KERA: variants seen among roughly 807,000 people sequenced by gnomAD.
The protein encoded by KERA is keratan sulfate proteoglycan keratocan.
A neutral mutation model predicts 26.4 loss-of-function variants in KERA; 25 were observed. The ratio of observed to expected loss-of-function variants is 0.95; its 90% CI spans 0.69 to 1.32. The LOEUF is 1.32. Among genes scored for constraint, KERA ranks in the 40% most tolerant of loss-of-function variants. The pLI is 0.00. For synonymous variants in KERA, 167 were observed against 146.1 expected (o/e 1.14, Z -1.03); for missense variants, 434 against 408.9 (o/e 1.06, Z -0.53).
chr12:91,057,619 C>CG (rs139496371), intron 1 of KERA, 125 bp downstream of exon 1: 642 of 54,714 alleles, frequency 0.012, 3 homozygotes, highest in African/African-American at 0.025. Flanking sequence ...AAAGAAACAT[C>CG]ATTTTTTTTT....
chr12:91,056,412 C>T (rs1592648431), intron 1 of KERA, 123 bp from the exon 2 acceptor site: 2 of 771,280 alleles, frequency 2.6e-6, no homozygotes, highest in East Asian at 5.3e-5. Context: ...GTCAACATTT[C>T]ATACACAGAT....
chr12:91,054,742 T>C (rs1878947909), intron 2 of KERA, among the ~76,000 whole-genome samples: 1 of 151,332 alleles, frequency 6.6e-6, no homozygotes, highest in Admixed American at 6.6e-5. Context: ...TTTCTTTCCA[T>C]TTTAATTAAT....
Position 91,055,299 on chromosome 12 carries a change from G to A in KERA, c.886+97C>T. The A allele has an allele frequency of 2.8e-6, 3 of 1,073,190 alleles. No individual in the cohort carries two copies. In the South Asian group the frequency reaches 4.0e-5, roughly 14 times the overall value. 66.5% of individuals were successfully genotyped at this position (1,073,190 alleles called of 1,614,324 possible). On this transcript the variant is annotated intron_variant, in intron 2 of 2. Coordinates refer to ENST00000266719, the MANE Select transcript of KERA (RefSeq NM_007035.4). ...TAAAAATCTAAAGGAACATTAGCGGGGGAGGGGGCAACACATTTGCTCTTC... is the reference window on the plus strand; with the variant it reads ...TAAAAATCTAAAGGAACATTAGCGGAGGAGGGGGCAACACATTTGCTCTTC...
chr12:91,055,523 ACCCT>A lies in KERA; in HGVS notation c.755_758del (p.Glu252ValfsTer13). The stretch of plus-strand genomic sequence containing the variant: ...ATACATCAAATCCTCTTGATGGGAG[ACCCT>A]CATCTGACAGTTTGTTGTGATTTAG... On this transcript the variant is annotated frameshift_variant, in exon 2 of 3. Coordinates refer to ENST00000266719, the MANE Select transcript of KERA (RefSeq NM_007035.4). LOFTEE classifies it high-confidence loss of function. The A allele has an allele frequency of 6.2e-7, 1 of 1,609,824 alleles. No homozygotes were observed. Among genetic ancestry groups the A allele is most frequent in the Non-Finnish European group, 8.5e-7 (1 of 1,177,524 alleles).
At chr12:91,055,303 G>T (rs1399363341) in intron 2 of KERA, 93 bp downstream of exon 2, 3 of 1,112,254 alleles carry the variant, frequency 2.7e-6, no homozygotes, top group Non-Finnish European at 4.0e-6. Context: ...TAGCGGGGGA[G>T]GGGGCAACAC....
Position 91,056,286 on chromosome 12 carries a change from G to A in KERA, c.-5C>T, listed in dbSNP as rs1879004428. The A allele has an allele frequency of 1.2e-6, 2 of 1,606,778 alleles. No homozygotes were observed. Among genetic ancestry groups the A allele is most frequent in the Non-Finnish European group, 1.7e-6 (2 of 1,175,512 alleles). On this transcript the variant is annotated 5_prime_UTR_variant, in exon 2 of 3. Transcript: ENST00000266719. ...GAAACAGATTGTGCCTGCCATTATAGCACCTACAGAAAAAGGAACACAACT... is the reference window on the plus strand; with the variant it reads ...GAAACAGATTGTGCCTGCCATTATAACACCTACAGAAAAAGGAACACAACT...
rs542639678 is a variant in KERA at position 91,051,241 on chromosome 12, G to T, written c.*105C>A. 243 of 942,080 alleles carry T rather than the reference G, an allele frequency of 2.6e-4. No individual in the cohort carries two copies. Among genetic ancestry groups the T allele is most frequent in the Non-Finnish European group, 3.5e-4 (207 of 591,732 alleles). 58.4% of individuals were successfully genotyped at this position (942,080 alleles called of 1,614,324 possible). On this transcript the variant is annotated 3_prime_UTR_variant, in exon 3 of 3. Coordinates refer to ENST00000266719, the MANE Select transcript of KERA (RefSeq NM_007035.4). Reference sequence around the variant, plus strand: ...CACTGCACAAATGAAAATGGTGGCCGAGAGCAATGGGGAATATGACTTGTG... The same window carrying T: ...CACTGCACAAATGAAAATGGTGGCCTAGAGCAATGGGGAATATGACTTGTG...
In KERA at chr12:91,056,059, A is replaced by G. The variant is rs1307827252; in HGVS notation, c.223T>C (p.Tyr75His). 1 of 1,608,474 alleles carries G rather than the reference A, an allele frequency of 6.2e-7. No homozygotes were observed. The change falls in exon 2 of 3, where the codon TAT becomes CAT. Residue 75 changes from tyrosine (Y) to histidine (H), a missense_variant. Coordinates refer to ENST00000266719, the MANE Select transcript of KERA (RefSeq NM_007035.4). The stretch of plus-strand genomic sequence containing the variant: ...ATCAGGTTGTTTTGAAGATAAAGAT[A>G]CCAAATTCTTGAAGGAATAGCAGGA... ...EIPAIPSRIW[Y>H]LYLQNNLIET...
At chr12:91,054,255 T>C (rs1878936116) in intron 2 of KERA, among the ~76,000 whole-genome samples, 1 of 151,378 alleles carries the variant, frequency 6.6e-6, no homozygotes, top group South Asian at 2.1e-4. Flanking sequence ...CTATAAATGA[T>C]ATGTTTATGT....
In KERA at chr12:91,050,607, A is replaced by C. The variant is rs1400704011; in HGVS notation, c.*739T>G. The C allele has an allele frequency of 6.6e-6, 1 of 152,116 alleles. No homozygotes were observed. The highest frequency in any genetic ancestry group is 1.5e-5 in the Non-Finnish European group (1 of 67,746). The allele number at this position is 152,116 out of a possible 1,614,324, so 9.4% of individuals were successfully genotyped here. On this transcript the variant is annotated 3_prime_UTR_variant, in exon 3 of 3. Coordinates refer to ENST00000266719, the MANE Select transcript of KERA (RefSeq NM_007035.4). ...ATCCAAAAAACACAATCAAATATAA[A>C]GAACAATTTGCAGTTTAAGTGGATT...
chr12:91,057,674 C>T (rs554157481), intron 1 of KERA, 70 bp downstream of exon 1: 1 of 150,226 alleles, frequency 6.7e-6, no homozygotes, highest in African/African-American at 2.4e-5. Flanking sequence ...GAAGTTGTAA[C>T]CCTGCGTCTG....
chr12:91,056,406 A>C (rs1879007550), intron 1 of KERA, 117 bp from the exon 2 acceptor site: 1 of 787,062 alleles, frequency 1.3e-6, no homozygotes, highest in Non-Finnish European at 2.2e-6. Flanking sequence ...AAATATGTCA[A>C]CATTTCATAC....
intron 1 of KERA, 82 bp downstream of exon 1, chr12:91,057,662 T>C (rs2120967138): frequency 6.6e-6 from 1 of 151,022 alleles, no homozygotes; most frequent in South Asian, 2.1e-4. Flanking sequence ...GGTTTAGTTA[T>C]TGAAGTTGTA....
At position 91,056,906 on chromosome 12, in the gene KERA, C is replaced by G. The variant is rs182928847; in HGVS notation, c.-8-617G>C. ...GTTTTTTGAGGGTGGGGGAAGATGT[C>G]TATAATTTTAAGCACACAATTAAGT... is the stretch of plus-strand genomic sequence containing the variant. On this transcript the variant is annotated intron_variant, in intron 1 of 2. Transcript: ENST00000266719. Among the ~76,000 whole-genome samples the G allele has an allele frequency of 3.6e-4, 55 of 150,946 alleles. 1 individual carries two copies. Among genetic ancestry groups the G allele is most frequent in the Non-Finnish European group, 1.5e-5 (1 of 67,342 alleles).
At chr12:91,054,631 C>T (rs1350588407) in intron 2 of KERA, among the ~76,000 whole-genome samples, 1 of 151,314 alleles carries the variant, frequency 6.6e-6, no homozygotes, top group Non-Finnish European at 1.5e-5. Context: ...ACTTTGAATT[C>T]ATCTCTCACT....
chr12:91,057,124 C>T (rs1319925141), intron 1 of KERA, among the ~76,000 whole-genome samples: 1 of 150,168 alleles, frequency 6.7e-6, no homozygotes, highest in Admixed American at 6.7e-5. Context: ...TCAACTATGC[C>T]ATTATTATGG....
At position 91,051,508 on chromosome 12, in the gene KERA, G is replaced by C. The variant is rs542991122; in HGVS notation, c.897C>G (p.Val299=). 7.5e-6 allele frequency: 12 copies of C among 1,607,852 alleles called. No individual in the cohort carries two copies. In the South Asian group the frequency reaches 1.3e-4, roughly 18 times the overall value. Residue 299 remains valine, a synonymous_variant, in exon 3 of 3, where the codon GTC becomes GTG. Coordinates refer to ENST00000266719, the MANE Select transcript of KERA (RefSeq NM_007035.4). ...LDHNKIKSVN[V]SVICPSPSML... ...TGGATGGGCTGGGACATATTACAGA[G>C]ACATTCACACCTACAGTGACAAAGA...
chr12:91,055,688 G>A lies in KERA; in HGVS notation c.594C>T (p.Asn198=), dbSNP rs1350192711. ...FKGLKNLMQL[N]MAKNALRNMP... ...TATTCCTCAGGGCATTCTTGGCCATGTTTAGCTGCATGAGATTCTTGAGTC... is the reference window on the plus strand; with the variant it reads ...TATTCCTCAGGGCATTCTTGGCCATATTTAGCTGCATGAGATTCTTGAGTC... Residue 198 remains asparagine (N), a synonymous_variant, in exon 2 of 3, where the codon AAC becomes AAT. Coordinates refer to ENST00000266719, the MANE Select transcript of KERA (RefSeq NM_007035.4). 4.3e-6 allele frequency: 7 copies of A among 1,611,402 alleles called. No individual in the cohort carries two copies. Among genetic ancestry groups the A allele is most frequent in the East Asian group, 4.5e-5 (2 of 44,790 alleles).
In KERA at chr12:91,056,591, A is replaced by T. The variant is rs141853861; in HGVS notation, c.-8-302T>A. On this transcript the variant is annotated intron_variant, in intron 1 of 2. Coordinates refer to ENST00000266719, the MANE Select transcript of KERA (RefSeq NM_007035.4). ...AGTGTTTTTCCATTTCAAGCTATTT[A>T]ATTTAAAGAACTGAACTGAAACCAG... is the stretch of plus-strand genomic sequence containing the variant. Among the ~76,000 whole-genome samples the T allele has an allele frequency of 2.6e-5, 4 of 151,386 alleles. No homozygotes were observed. The East Asian group carries it at 7.8e-4, about 30-fold the overall frequency.
Sources: gnomAD v4.1 joint callset for allele counts (sites outside exome capture counted in the v4.1 genomes callset) on GRCh38, gnomAD v4.1.1 for gene constraint, MANE v1.5 for transcripts, NCBI Gene and HGNC (gene_info 2026-07-23, HGNC 2026-07-21) for gene names.